The following CTNND2 variants were observed in gnomAD, a reference collection of about 807,000 sequenced individuals.
CTNND2 encodes catenin delta 2.
Under a neutral mutation model 144.4 loss-of-function variants are expected in CTNND2, and 22 were observed. The observed-to-expected ratio is 0.15, with a 90% confidence interval of 0.11 to 0.22. CTNND2 has a LOEUF of 0.22. CTNND2 is among the 10% of genes least tolerant of loss of function. The pLI, the probability that CTNND2 is intolerant of heterozygous loss-of-function variation, is 1.00. For missense variants in CTNND2, 1,353 were observed against 1,618.8 expected, an observed-to-expected ratio of 0.84 and a Z score of 2.82; for synonymous variants, 751 against 695.6, an observed-to-expected ratio of 1.08 and a Z score of -1.25.
chr5:11,655,635 T>C (rs1375028866), intron 2 of CTNND2, among the ~76,000 whole-genome samples: 1 of 152,176 alleles, frequency 6.6e-6, no homozygotes, highest in Non-Finnish European at 1.5e-5. Context: ...CTCAAGGTCA[T>C]GTGTTTTTAG....
intron 19 of CTNND2, among the ~76,000 whole-genome samples, chr5:10,992,003 G>T (rs948925453): frequency 6.6e-6 from 1 of 152,090 alleles, no homozygotes; most frequent in South Asian, 2.1e-4. Flanking sequence ...CTGAAATCTC[G>T]GCCTCCCGGG....
intron 3 of CTNND2, among the ~76,000 whole-genome samples, chr5:11,499,561 T>A (rs1014695722): frequency 6.6e-6 from 1 of 152,228 alleles, no homozygotes; most frequent in Non-Finnish European, 1.5e-5. Flanking sequence ...GAAGTATTTT[T>A]AAAAAATCCA....
chr5:11,433,733 T>G (rs1763508287), intron 3 of CTNND2, among the ~76,000 whole-genome samples: 1 of 152,160 alleles, frequency 6.6e-6, no homozygotes, highest in Admixed American at 6.5e-5. Flanking sequence ...CACCAAGCCA[T>G]GAGGGATCTG....
At chr5:11,092,689 A>G (rs909489772) in intron 15 of CTNND2, among the ~76,000 whole-genome samples, 13 of 152,216 alleles carry the variant, frequency 8.5e-5, no homozygotes, top group Non-Finnish European at 1.5e-4. Context: ...ATACTGGCCT[A>G]GTTTCTAATT....
At chr5:11,520,139 C>T (rs1285105242) in intron 3 of CTNND2, among the ~76,000 whole-genome samples, 1 of 136,428 alleles carries the variant, frequency 7.3e-6, no homozygotes, top group Non-Finnish European at 1.6e-5. Context: ...AAGAGTGAAA[C>T]TCTGTCTTGG....
At chr5:11,838,690 G>A (rs1452378909) in intron 1 of CTNND2, among the ~76,000 whole-genome samples, 2 of 152,186 alleles carry the variant, frequency 1.3e-5, no homozygotes, top group South Asian at 4.1e-4. Flanking sequence ...TTCTTTGCTA[G>A]AGTATGATAC....
chr5:11,807,053 C>T (rs1238926503), intron 1 of CTNND2, among the ~76,000 whole-genome samples: 1 of 152,090 alleles, frequency 6.6e-6, no homozygotes, highest in African/African-American at 2.4e-5. Context: ...CCATTTGCTA[C>T]ATGAGATCAA....
intron 3 of CTNND2, among the ~76,000 whole-genome samples, chr5:11,536,376 T>C (rs2150062853): frequency 6.6e-6 from 1 of 152,280 alleles, no homozygotes; most frequent in South Asian, 2.1e-4. Context: ...GTTCCTAAGG[T>C]ATCTACCCAG....
intron 11 of CTNND2, among the ~76,000 whole-genome samples, chr5:11,160,259 C>T (rs181149756): frequency 1.8e-4 from 28 of 152,328 alleles, no homozygotes; most frequent in African/African-American, 5.8e-4. Context: ...GGTCAGATGA[C>T]AACTGGCTCA....
At chr5:11,887,888 G>A (rs953928969) in intron 1 of CTNND2, among the ~76,000 whole-genome samples, 8 of 152,136 alleles carry the variant, frequency 5.3e-5, no homozygotes, top group Non-Finnish European at 1.2e-4. Flanking sequence ...TGAGGTTATG[G>A]GCTTTGGGGA....
chr5:11,565,332 T>C (rs1776991675), intron 2 of CTNND2, among the ~76,000 whole-genome samples: 1 of 152,234 alleles, frequency 6.6e-6, no homozygotes, highest in African/African-American at 2.4e-5. Flanking sequence ...TTAAAGGAGA[T>C]ACTGTCATGA....
At chr5:11,181,750 ATG>A (rs1334835031) in intron 11 of CTNND2, among the ~76,000 whole-genome samples, 1 of 77,382 alleles carries the variant, frequency 1.3e-5, no homozygotes, top group Non-Finnish European at 2.7e-5. Context: ...GTGTGTGTGG[ATG>A]TGTGTATGTG....
intron 16 of CTNND2, among the ~76,000 whole-genome samples, chr5:11,069,673 CAGA>C (rs1748024582): frequency 6.9e-6 from 1 of 145,180 alleles, no homozygotes; most frequent in African/African-American, 2.6e-5. Context: ...GACAGACAGA[CAGA>C]CAGAGAGACA....
At chr5:11,128,400 C>T (rs1754897696) in intron 12 of CTNND2, among the ~76,000 whole-genome samples, 1 of 152,030 alleles carries the variant, frequency 6.6e-6, no homozygotes, top group Admixed American at 6.6e-5. Flanking sequence ...GTAAGGAGAA[C>T]GATCCCACCA....
chr5:11,222,134 T>G (rs1185092291), intron 10 of CTNND2, among the ~76,000 whole-genome samples: 1 of 152,110 alleles, frequency 6.6e-6, no homozygotes, highest in Non-Finnish European at 1.5e-5. Context: ...CTGCTCACCA[T>G]TGCAAAGACT....
intron 8 of CTNND2, among the ~76,000 whole-genome samples, chr5:11,351,973 C>T (rs1755376350): frequency 6.6e-6 from 1 of 152,014 alleles, no homozygotes; most frequent in Non-Finnish European, 1.5e-5. Context: ...ACTCTAGCAC[C>T]CAATCTGGCA....
At chr5:11,527,022 A>T (rs1475141862) in intron 3 of CTNND2, among the ~76,000 whole-genome samples, 2 of 152,180 alleles carry the variant, frequency 1.3e-5, no homozygotes, top group Non-Finnish European at 2.9e-5. Context: ...TACATAATGT[A>T]CCTAGAGTAG....
At chr5:11,880,210 C>A (rs1019395965) in intron 1 of CTNND2, among the ~76,000 whole-genome samples, 1 of 152,042 alleles carries the variant, frequency 6.6e-6, no homozygotes, top group African/African-American at 2.4e-5. Context: ...GTAAGAGGGG[C>A]CCAGAAATTT....
intron 7 of CTNND2, among the ~76,000 whole-genome samples, chr5:11,371,048 G>C (rs1207122741): frequency 6.6e-6 from 1 of 152,156 alleles, no homozygotes; most frequent in Non-Finnish European, 1.5e-5. Flanking sequence ...AGAAGGGTGG[G>C]GCCTGGACTA....
Sources: allele counts gnomAD v4.1 joint callset (sites outside exome capture counted in the v4.1 genomes callset), GRCh38; gene constraint gnomAD v4.1.1; transcripts MANE v1.5; gene names NCBI Gene and HGNC (gene_info 2026-07-23, HGNC 2026-07-21).